The following NEGR1 variants were observed in gnomAD, a reference collection of about 807,000 sequenced individuals.
NEGR1 encodes the protein neuronal growth regulator 1.
NEGR1 carries 10 observed loss-of-function variants against 40.9 expected under a neutral mutation model. The observed-to-expected ratio is 0.24, with a 90% CI of 0.15 to 0.42. The LOEUF (loss-of-function observed/expected upper bound fraction) is 0.42. Among genes scored for constraint, NEGR1 ranks in the 10% least tolerant of loss-of-function variants. NEGR1 has a pLI of 1.00. For missense variants in NEGR1, 352 were observed against 438.9 expected, an observed-to-expected ratio of 0.80 and a Z score of 1.77; for synonymous variants, 185 against 166.8, an observed-to-expected ratio of 1.11 and a Z score of -0.84.
chr1:72,166,703 T>C (rs1651777792), intron 1 of NEGR1, among the ~76,000 whole-genome samples: 1 of 152,084 alleles, frequency 6.6e-6, no homozygotes, highest in Non-Finnish European at 1.5e-5. Context: ...GTTGAACTTA[T>C]AAGAGTTGTT....
intron 3 of NEGR1, among the ~76,000 whole-genome samples, chr1:71,733,584 A>T (rs569231235): frequency 2.6e-5 from 4 of 152,258 alleles, no homozygotes; most frequent in East Asian, 1.9e-4. Context: ...TATACTTTCT[A>T]CTGAAGAGCC....
chr1:71,497,300 G>T (rs1465703284), intron 6 of NEGR1, among the ~76,000 whole-genome samples: 1 of 152,070 alleles, frequency 6.6e-6, no homozygotes, highest in Non-Finnish European at 1.5e-5. Flanking sequence ...ACAATTTTCT[G>T]TGTTCAAATA....
chr1:71,790,933 T>A (rs543460751), intron 2 of NEGR1, among the ~76,000 whole-genome samples: 3 of 152,002 alleles, frequency 2.0e-5, no homozygotes, highest in Non-Finnish European at 4.4e-5. Context: ...TGAACAAAAA[T>A]CATTTGTTGT....
At chr1:72,112,920 C>T (rs12077918) in intron 1 of NEGR1, among the ~76,000 whole-genome samples, 35 of 151,636 alleles carry the variant, frequency 2.3e-4, no homozygotes, top group African/African-American at 8.2e-4. Context: ...ATTTTTCCTT[C>T]CCCTCAAATT....
intron 6 of NEGR1, among the ~76,000 whole-genome samples, chr1:71,582,222 A>G (rs187944807): frequency 6.6e-6 from 1 of 152,216 alleles, no homozygotes; most frequent in Non-Finnish European, 1.5e-5. Flanking sequence ...TAGATAATGT[A>G]CAATTGATAT....
chr1:72,003,792 T>C (rs1170619497), intron 1 of NEGR1, among the ~76,000 whole-genome samples: 1 of 152,172 alleles, frequency 6.6e-6, no homozygotes, highest in East Asian at 1.9e-4. Flanking sequence ...GAAAACCTGA[T>C]ATTACAATGA....
intron 3 of NEGR1, among the ~76,000 whole-genome samples, chr1:71,717,187 T>C (rs1366407342): frequency 2.0e-5 from 3 of 152,232 alleles, no homozygotes; most frequent in African/African-American, 7.2e-5. Context: ...TTATAACTTA[T>C]CTGAATATAT....
chr1:71,594,476 G>A (rs1352984302), intron 5 of NEGR1, among the ~76,000 whole-genome samples: 1 of 152,118 alleles, frequency 6.6e-6, no homozygotes, highest in African/African-American at 2.4e-5. Context: ...TGATTACTCT[G>A]GGAATTACTT....
chr1:71,813,618 G>C (rs1430401863), intron 2 of NEGR1, among the ~76,000 whole-genome samples: 5 of 152,066 alleles, frequency 3.3e-5, no homozygotes, highest in Admixed American at 1.3e-4. Flanking sequence ...TTGAGAAGTA[G>C]TTTGTAGTTC....
At chr1:71,999,352 G>C (rs1646534116) in intron 1 of NEGR1, among the ~76,000 whole-genome samples, 1 of 151,570 alleles carries the variant, frequency 6.6e-6, no homozygotes, top group African/African-American at 2.4e-5. Context: ...AGACAGTCTT[G>C]AGATTATTTT....
At chr1:72,062,753 T>C (rs141058243) in intron 1 of NEGR1, among the ~76,000 whole-genome samples, 1 of 152,078 alleles carries the variant, frequency 6.6e-6, no homozygotes, top group East Asian at 1.9e-4. Context: ...AGCTAACTTG[T>C]TGACTGAGCT....
intron 1 of NEGR1, among the ~76,000 whole-genome samples, chr1:72,183,090 T>C (rs1652449577): frequency 6.6e-6 from 1 of 152,046 alleles, no homozygotes; most frequent in Non-Finnish European, 1.5e-5. Flanking sequence ...TCTCCTCCAG[T>C]ACATTGACTT....
intron 1 of NEGR1, chr1:72,275,233 A>C: frequency 1.7e-6 from 1 of 585,794 alleles, no homozygotes; most frequent in Non-Finnish European, 3.0e-6. Context: ...TCTATTATTT[A>C]TTCATAATGA....
At chr1:72,257,553 T>C (rs17591264) in intron 1 of NEGR1, among the ~76,000 whole-genome samples, 35,049 of 151,968 alleles carry the variant, frequency 0.23, 4,902 homozygotes, top group Non-Finnish European at 0.31. Context: ...CTCCATATAT[T>C]TAAAGATCTA....
intron 6 of NEGR1, among the ~76,000 whole-genome samples, chr1:71,563,193 C>T (rs901763679): frequency 1.3e-5 from 2 of 151,996 alleles, no homozygotes; most frequent in Non-Finnish European, 2.9e-5. Context: ...AGAGGACTGA[C>T]TACCTTTTAC....
intron 6 of NEGR1, among the ~76,000 whole-genome samples, chr1:71,580,404 A>G (rs1312901672): frequency 6.6e-6 from 1 of 152,044 alleles, no homozygotes; most frequent in Non-Finnish European, 1.5e-5. Flanking sequence ...ACATGTATAC[A>G]TATGTAACTA....
chr1:72,254,531 T>A (rs986940435), intron 1 of NEGR1, among the ~76,000 whole-genome samples: 1 of 151,850 alleles, frequency 6.6e-6, no homozygotes, highest in Non-Finnish European at 1.5e-5. Flanking sequence ...TGAAACCCCA[T>A]CTCTACTAAA....
At chr1:71,523,718 A>G (rs1485001094) in intron 6 of NEGR1, among the ~76,000 whole-genome samples, 2 of 151,848 alleles carry the variant, frequency 1.3e-5, no homozygotes, top group African/African-American at 4.8e-5. Context: ...TCTAATTTCC[A>G]TCATTAGAAA....
At chr1:71,922,393 G>T (rs1278407253) in intron 2 of NEGR1, among the ~76,000 whole-genome samples, 1 of 152,170 alleles carries the variant, frequency 6.6e-6, no homozygotes, top group African/African-American at 2.4e-5. Flanking sequence ...CAAGAGAGGT[G>T]CAGAGAATAG....
Sources: gnomAD v4.1 joint callset for allele counts (sites outside exome capture counted in the v4.1 genomes callset) on GRCh38, gnomAD v4.1.1 for gene constraint, MANE v1.5 for transcripts, NCBI Gene and HGNC (gene_info 2026-07-23, HGNC 2026-07-21) for gene names.